The following NOL4 variants were observed in gnomAD, a reference collection of about 807,000 sequenced individuals.
The protein encoded by NOL4 is cancer/testis antigen 125.
NOL4 carries 17 observed loss-of-function variants against 75.9 expected under a neutral mutation model. The ratio of observed to expected loss-of-function variants is 0.22; its 90% CI spans 0.15 to 0.34. NOL4 has a LOEUF of 0.34. Among genes scored for constraint, NOL4 ranks in the 10% least tolerant of loss-of-function variants. The pLI, the probability that NOL4 is intolerant of heterozygous loss-of-function variation, is 1.00. For synonymous variants in NOL4, 292 were observed against 289.9 expected (o/e 1.01, Z -0.07); for missense variants, 614 against 793.5 (o/e 0.77, Z 2.72).
intron 5 of NOL4, among the ~76,000 whole-genome samples, chr18:34,037,373 C>G: frequency 6.6e-6 from 1 of 151,330 alleles, no homozygotes; most frequent in East Asian, 2.0e-4. Flanking sequence ...AACACAATCC[C>G]TATCAAAATA....
intron 3 of NOL4, among the ~76,000 whole-genome samples, chr18:34,104,639 A>G (rs1026409809): frequency 3.3e-5 from 5 of 151,974 alleles, no homozygotes; most frequent in African/African-American, 4.8e-5. Context: ...TTTTAATGAG[A>G]GCTAAATCCA....
intron 1 of NOL4, among the ~76,000 whole-genome samples, chr18:34,184,344 C>T (rs72961226): frequency 0.021 from 3,184 of 151,838 alleles, 45 homozygotes; most frequent in Middle Eastern, 0.044. Context: ...AATTATGTTT[C>T]TAAGAAGCAT....
chr18:34,008,429 G>T (rs1397150211), intron 6 of NOL4, among the ~76,000 whole-genome samples: 1 of 148,148 alleles, frequency 6.8e-6, no homozygotes, highest in Non-Finnish European at 1.5e-5. Flanking sequence ...GGTTCCATTT[G>T]TCTGGAGAAT....
chr18:34,012,299 T>A (rs2074418250), intron 6 of NOL4, among the ~76,000 whole-genome samples: 1 of 152,010 alleles, frequency 6.6e-6, no homozygotes, highest in South Asian at 2.1e-4. Context: ...GTAATGTGGG[T>A]ATTTATTCAT....
intron 10 of NOL4, among the ~76,000 whole-genome samples, chr18:33,854,247 C>T (rs2062743344): frequency 6.6e-6 from 1 of 152,102 alleles, no homozygotes; most frequent in African/African-American, 2.4e-5. Context: ...GACCCAACCC[C>T]CTCCACCCTC....
intron 9 of NOL4, among the ~76,000 whole-genome samples, chr18:33,938,815 C>T (rs2068255069): frequency 6.6e-6 from 1 of 152,034 alleles, no homozygotes; most frequent in Non-Finnish European, 1.5e-5. Flanking sequence ...CTCTTGTTGC[C>T]ATTGCTTTTG....
intron 5 of NOL4, among the ~76,000 whole-genome samples, chr18:34,071,267 G>A (rs2077502654): frequency 6.6e-6 from 1 of 152,056 alleles, no homozygotes; most frequent in African/African-American, 2.4e-5. Context: ...AGCTCTTTTA[G>A]TAAACAAAAA....
intron 5 of NOL4, among the ~76,000 whole-genome samples, chr18:34,039,454 A>T (rs535045260): frequency 6.6e-6 from 1 of 152,102 alleles, no homozygotes; most frequent in African/African-American, 2.4e-5. Context: ...TACACATTTC[A>T]GCTCTGCAGA....
intron 5 of NOL4, chr18:34,048,720 G>T: frequency 4.6e-6 from 2 of 432,346 alleles, no homozygotes; most frequent in Non-Finnish European, 6.2e-6. Context: ...TTCCTCCAGG[G>T]CTATGGGCTC....
At chr18:33,991,746 T>C (rs563202574) in intron 6 of NOL4, among the ~76,000 whole-genome samples, 1 of 152,060 alleles carries the variant, frequency 6.6e-6, no homozygotes, top group South Asian at 2.1e-4. Flanking sequence ...TGTTCTTGAG[T>C]CATACTAACC....
chr18:33,879,125 C>A (rs1216414535), intron 10 of NOL4, among the ~76,000 whole-genome samples: 2 of 152,020 alleles, frequency 1.3e-5, no homozygotes, highest in African/African-American at 2.4e-5. Context: ...TTTAAAAAAA[C>A]AGTTTAATAG....
chr18:33,981,557 G>T (rs926645480), intron 6 of NOL4, among the ~76,000 whole-genome samples: 12 of 152,042 alleles, frequency 7.9e-5, no homozygotes, highest in African/African-American at 2.9e-4. Context: ...AAAAGCCCCA[G>T]CTAACTAGAA....
chr18:34,153,120 C>T (rs2081724033), intron 1 of NOL4, among the ~76,000 whole-genome samples: 2 of 151,780 alleles, frequency 1.3e-5, no homozygotes. Flanking sequence ...AAAGGTAATG[C>T]TGCTATAAAT....
At chr18:34,072,822 T>C (rs573445304) in intron 5 of NOL4, among the ~76,000 whole-genome samples, 4 of 152,300 alleles carry the variant, frequency 2.6e-5, no homozygotes, top group African/African-American at 9.6e-5. Flanking sequence ...TATTTGGAAA[T>C]TGAACACCAA....
chr18:34,102,989 T>C (rs1214699477), intron 4 of NOL4, among the ~76,000 whole-genome samples: 1 of 151,996 alleles, frequency 6.6e-6, no homozygotes, highest in African/African-American at 2.4e-5. Context: ...ATAACATCTA[T>C]TGAGATCAAA....
intron 10 of NOL4, among the ~76,000 whole-genome samples, chr18:33,857,401 C>A (rs1196572170): frequency 6.6e-6 from 1 of 151,972 alleles, no homozygotes; most frequent in Non-Finnish European, 1.5e-5. Flanking sequence ...TATTGGCCAT[C>A]ATCAAAATAA....
intron 5 of NOL4, among the ~76,000 whole-genome samples, chr18:34,034,713 C>A (rs1454035688): frequency 6.6e-6 from 1 of 152,056 alleles, no homozygotes; most frequent in Non-Finnish European, 1.5e-5. Context: ...GTACTCCAGC[C>A]TGTGCCACAG....
intron 5 of NOL4, among the ~76,000 whole-genome samples, chr18:34,067,087 T>G (rs968251228): frequency 6.6e-6 from 1 of 152,100 alleles, no homozygotes; most frequent in African/African-American, 2.4e-5. Flanking sequence ...GTAAGTTATA[T>G]AGATAGAAGA....
intron 6 of NOL4, among the ~76,000 whole-genome samples, chr18:33,959,936 AGTGT>A (rs140614140): frequency 1.5e-4 from 22 of 148,910 alleles, no homozygotes; most frequent in South Asian, 2.1e-4. Flanking sequence ...TTTCTTTCTA[AGTGT>A]GTGTGTGTGT....
Sources: allele counts gnomAD v4.1 joint callset (sites outside exome capture counted in the v4.1 genomes callset), GRCh38; gene constraint gnomAD v4.1.1; transcripts MANE v1.5; gene names NCBI Gene and HGNC (gene_info 2026-07-23, HGNC 2026-07-21).